The following GPHN variants were observed in gnomAD, a reference collection of about 807,000 sequenced individuals.
GPHN encodes gephyrin.
Under a neutral mutation model 95.5 loss-of-function variants are expected in GPHN, and 17 were observed. The observed-to-expected ratio is 0.18, with a 90% CI of 0.12 to 0.27. The LOEUF (loss-of-function observed/expected upper bound fraction) is 0.27, where lower values mean the gene tolerates loss of function less well. GPHN is among the 10% of genes least tolerant of loss of function. GPHN has a pLI of 1.00. For synonymous variants in GPHN, 320 were observed against 322.5 expected (o/e 0.99, Z 0.08); for missense variants, 660 against 978.1 (o/e 0.67, Z 4.34).
At chr14:67,685,058 C>A in the GPHN span, 1 of 1,613,816 alleles carries the variant, frequency 6.2e-7, no homozygotes, top group Non-Finnish European at 8.5e-7. Context: ...TCTGTTAAGG[C>A]ACAGTGCAGG....
chr14:67,359,586 C>G, the GPHN span: 1 of 1,551,476 alleles, frequency 6.4e-7, no homozygotes, highest in Admixed American at 1.7e-5. Context: ...CTCACTGTGG[C>G]CCAGGGTCTG....
the GPHN span, chr14:67,364,842 A>G: frequency 6.2e-7 from 1 of 1,614,050 alleles, no homozygotes; most frequent in African/African-American, 1.3e-5. Flanking sequence ...TGAATGTCAG[A>G]TCCATTGCTG....
At chr14:67,040,100 C>T (rs1186804098) in intron 10 of GPHN, among the ~76,000 whole-genome samples, 2 of 151,844 alleles carry the variant, frequency 1.3e-5, no homozygotes, top group Non-Finnish European at 2.9e-5. Context: ...TTTATAGTAC[C>T]TCAGTGCAAA....
intron 9 of GPHN, among the ~76,000 whole-genome samples, chr14:66,991,447 G>C (rs2071412404): frequency 6.6e-6 from 1 of 152,040 alleles, no homozygotes; most frequent in African/African-American, 2.4e-5. Flanking sequence ...GGCCAGTGAA[G>C]ACAATGTTGA....
chr14:67,100,411 G>T (rs1255384982), intron 12 of GPHN, among the ~76,000 whole-genome samples: 10 of 152,050 alleles, frequency 6.6e-5, no homozygotes, highest in African/African-American at 2.2e-4. Flanking sequence ...ATAGAAAAAT[G>T]GAGACATATG....
intron 3 of GPHN, among the ~76,000 whole-genome samples, chr14:66,813,018 C>G (rs1469069500): frequency 2.0e-5 from 3 of 152,104 alleles, no homozygotes. Context: ...AGCAGAATAG[C>G]TAGTTTAAGA....
intron 4 of GPHN, among the ~76,000 whole-genome samples, chr14:66,876,458 G>A (rs113853439): frequency 5.2e-4 from 79 of 152,228 alleles, no homozygotes; most frequent in African/African-American, 1.6e-3. Context: ...GTGAATCCAA[G>A]AGCTGGTTTT....
chr14:66,681,086 CT>C lies in GPHN; in HGVS notation c.65-17del. The C allele has an allele frequency of 7.1e-7, 1 of 1,413,498 alleles. No homozygotes were observed. The highest frequency in any genetic ancestry group is 9.9e-7 in the Non-Finnish European group (1 of 1,006,224). 87.6% of individuals were successfully genotyped at this position (1,413,498 alleles called of 1,614,324 possible). ...TGTAGACAAAAATTAATTTTTTTTT[CT>C]TTTCCCCATTTCTATTTAGTGAGTG... On this transcript the variant is annotated intron_variant, in intron 1 of 22. Coordinates refer to ENST00000478722, the MANE Select transcript of GPHN (RefSeq NM_020806.5).
chr14:67,266,401 C>T, the GPHN span, among the ~76,000 whole-genome samples: 1 of 152,140 alleles, frequency 6.6e-6, no homozygotes, highest in South Asian at 2.1e-4. Context: ...TCTCAGCTCA[C>T]TGCAGCCTCT....
chr14:66,541,234 C>T lies in GPHN; in HGVS notation c.64+32643C>T, dbSNP rs113372681. ...AAGTCCTGGGATTGCAGGTGTGAGC[C>T]GCTGCACCCAGCCTGAAATATCTTT... is the stretch of plus-strand genomic sequence containing the variant. On this transcript the variant is annotated intron_variant, in intron 1 of 22. Coordinates refer to ENST00000478722, the MANE Select transcript of GPHN (RefSeq NM_020806.5). 9.6e-3 allele frequency among the ~76,000 whole-genome samples: 1,461 copies of T among 152,300 alleles called. 20 individuals carry two copies. The highest frequency in any genetic ancestry group is 0.032 in the African/African-American group (1,350 of 41,546).
chr14:66,929,864 A>G (rs1238175952), intron 8 of GPHN, among the ~76,000 whole-genome samples: 1 of 152,016 alleles, frequency 6.6e-6, no homozygotes, highest in African/African-American at 2.4e-5. Flanking sequence ...GGCGCCCGCC[A>G]CCACGCCCGG....
chr14:67,562,912 G>T, the GPHN span: 1 of 1,606,528 alleles, frequency 6.2e-7, no homozygotes, highest in Non-Finnish European at 8.5e-7. Flanking sequence ...GCAACCTCCG[G>T]GCTGGGCAGA....
chr14:66,779,531 CCTGT>C (rs2059529936), intron 3 of GPHN, among the ~76,000 whole-genome samples: 1 of 151,654 alleles, frequency 6.6e-6, no homozygotes, highest in South Asian at 2.1e-4. Context: ...ATAAAGGCAC[CCTGT>C]CTGATAATAC....
intron 1 of GPHN, among the ~76,000 whole-genome samples, chr14:66,604,663 A>G (rs1038119400): frequency 6.6e-6 from 1 of 152,108 alleles, no homozygotes. Flanking sequence ...ATTTAAAATG[A>G]TTTATTCTTT....
intron 1 of GPHN, among the ~76,000 whole-genome samples, chr14:66,533,694 A>G (rs1348648177): frequency 3.9e-5 from 6 of 152,238 alleles, no homozygotes; most frequent in Non-Finnish European, 8.8e-5. Flanking sequence ...AGGCTAAAGT[A>G]GATGAACTTA....
chr14:66,700,056 ATTGTGTGTC>A (rs1266370619), intron 2 of GPHN, among the ~76,000 whole-genome samples: 1 of 152,312 alleles, frequency 6.6e-6, no homozygotes, highest in South Asian at 2.1e-4. Context: ...AACAATTAAA[ATTGTGTGTC>A]TTATACGGGC....
In GPHN at chr14:67,089,038, C is replaced by A; in HGVS notation, c.1200C>A (p.Pro400=). The change falls in exon 12 of 23, where the codon CCC becomes CCA. Residue 400 remains proline (P), a synonymous_variant. Coordinates refer to ENST00000478722, the MANE Select transcript of GPHN (RefSeq NM_020806.5). The part of the protein sequence containing the change: ...QDVYAKDNLP[P]FPASVKDGYA... ...TATATGCAAAAGACAATTTACCCCC[C>A]TTCCCAGCATCAGTAAAAGATGGCT... is the stretch of plus-strand genomic sequence containing the variant. The A allele has an allele frequency of 6.2e-7, 1 of 1,604,002 alleles. No homozygotes were observed. The highest frequency in any genetic ancestry group is 8.5e-7 in the Non-Finnish European group (1 of 1,170,884).
intron 8 of GPHN, among the ~76,000 whole-genome samples, chr14:66,942,990 A>G (rs900708400): frequency 1.3e-5 from 2 of 152,178 alleles, no homozygotes; most frequent in African/African-American, 4.8e-5. Context: ...ACCCTTTACA[A>G]ATTTTGCAAA....
the GPHN span, among the ~76,000 whole-genome samples, chr14:67,403,817 C>T: frequency 4.4e-4 from 67 of 152,166 alleles, no homozygotes; most frequent in Non-Finnish European, 7.6e-4. Context: ...TTTGGGAGGC[C>T]AAGGAGAGAG....
Sources: allele counts gnomAD v4.1 joint callset (sites outside exome capture counted in the v4.1 genomes callset), GRCh38; gene constraint gnomAD v4.1.1; transcripts MANE v1.5; gene names NCBI Gene and HGNC (gene_info 2026-07-23, HGNC 2026-07-21).